Variants in MAD1L1 observed in about 807,000 individuals in gnomAD.
MAD1L1 encodes the protein mitotic spindle assembly checkpoint protein MAD1.
MAD1L1 carries 95 observed loss-of-function variants against 96.9 expected under a neutral mutation model. The observed-to-expected ratio is 0.98, with a 90% CI of 0.83 to 1.16. The LOEUF (loss-of-function observed/expected upper bound fraction) is 1.16. MAD1L1 is among the 50% of genes most tolerant of loss of function. MAD1L1 has a pLI of 0.00. For synonymous variants in MAD1L1, 473 were observed against 396.6 expected (o/e 1.19, Z -2.29); for missense variants, 1,007 against 954.4 (o/e 1.06, Z -0.73).
At chr7:2,105,146 T>C (rs1023815622) in intron 11 of MAD1L1, among the ~76,000 whole-genome samples, 2 of 151,996 alleles carry the variant, frequency 1.3e-5, no homozygotes, top group African/African-American at 4.8e-5. Flanking sequence ...AGAGCCTCAC[T>C]CTCTGAGGCC....
intron 18 of MAD1L1, among the ~76,000 whole-genome samples, chr7:1,884,928 G>A (rs941664064): frequency 6.6e-6 from 1 of 152,156 alleles, no homozygotes; most frequent in Non-Finnish European, 1.5e-5. Flanking sequence ...GTGGTGGTGC[G>A]CACCCCTCAC....
intron 18 of MAD1L1, among the ~76,000 whole-genome samples, chr7:1,864,879 G>A (rs911786905): frequency 1.6e-4 from 25 of 152,292 alleles, no homozygotes; most frequent in African/African-American, 5.8e-4. Context: ...GCGGCCTGAG[G>A]ACCTTGCCAG....
chr7:1,874,127 G>A (rs1327616975), intron 18 of MAD1L1, among the ~76,000 whole-genome samples: 1 of 152,200 alleles, frequency 6.6e-6, no homozygotes, highest in Non-Finnish European at 1.5e-5. Flanking sequence ...ATCTGCACCG[G>A]AGTGGGGATG....
At chr7:1,966,741 G>A (rs943767956) in intron 15 of MAD1L1, among the ~76,000 whole-genome samples, 7 of 152,194 alleles carry the variant, frequency 4.6e-5, no homozygotes, top group East Asian at 1.9e-4. Flanking sequence ...ACAGCGATTC[G>A]AGCGTCTGCA....
intron 11 of MAD1L1, among the ~76,000 whole-genome samples, chr7:2,074,974 G>A (rs1174731303): frequency 6.6e-5 from 10 of 152,206 alleles, no homozygotes; most frequent in East Asian, 1.9e-4. Context: ...TGGGCCAACC[G>A]GGAGCAATGG....
intron 3 of MAD1L1, among the ~76,000 whole-genome samples, chr7:2,228,793 T>G (rs1016005631): frequency 6.6e-6 from 1 of 151,026 alleles, no homozygotes; most frequent in East Asian, 2.0e-4. Context: ...CAGGCTGGAG[T>G]GCGGTGGCGC....
At chr7:1,916,051 C>T (rs1409628549) in intron 17 of MAD1L1, among the ~76,000 whole-genome samples, 5 of 152,210 alleles carry the variant, frequency 3.3e-5, no homozygotes, top group East Asian at 1.9e-4. Flanking sequence ...CAAGCCACGT[C>T]GGTGCCCATC....
rs1037067189 is a variant in MAD1L1, at chr7:2,103,690, G to A, written c.1074-34352C>T. Among the ~76,000 whole-genome samples the A allele has an allele frequency of 1.4e-4, 22 of 152,160 alleles. No homozygotes were observed. Among genetic ancestry groups the A allele is most frequent in the Non-Finnish European group, 8.8e-5 (6 of 68,026 alleles). ...AAGGAGGGAGCGGCCACGAGGAGGA[G>A]CCAGGGAGGCGGCTACTCAGAGGGC... On this transcript the variant is annotated intron_variant, in intron 11 of 18. Coordinates refer to ENST00000265854, the MANE Select transcript of MAD1L1 (RefSeq NM_001013836.2). This position sits in a 1 kb window ranked among gnomAD's most constrained non-coding sequence, Gnocchi z 4.3.
At position 2,215,951 on chromosome 7, in the gene MAD1L1, C is replaced by T; in HGVS notation, c.858G>A (p.Leu286=). 2 of 1,614,212 alleles carry T rather than the reference C, an allele frequency of 1.2e-6. No individual in the cohort carries two copies. Among genetic ancestry groups the T allele is most frequent in the South Asian group, 2.2e-5 (2 of 91,088 alleles). ...TCTCCTGGCGCCCCAGCTTCCTCTGCAGCCCTTCCAGCTCTTCCTGGAGCA... is the reference window on the plus strand; with the variant it reads ...TCTCCTGGCGCCCCAGCTTCCTCTGTAGCCCTTCCAGCTCTTCCTGGAGCA... ...NGLLQEELEG[L]QRKLGRQEKM... The change falls in exon 9 of 19, where the codon CTG becomes CTA. Residue 286 remains leucine, a synonymous_variant. Transcript: ENST00000265854.
chr7:1,865,864 G>A (rs1784754308), intron 18 of MAD1L1, among the ~76,000 whole-genome samples: 2 of 152,226 alleles, frequency 1.3e-5, no homozygotes, highest in Admixed American at 1.3e-4. Flanking sequence ...GGGCTTCGGG[G>A]CTCCACGAGC....
At chr7:2,009,403 C>G (rs1280569759) in intron 13 of MAD1L1, among the ~76,000 whole-genome samples, 1 of 152,158 alleles carries the variant, frequency 6.6e-6, no homozygotes, top group Non-Finnish European at 1.5e-5. Flanking sequence ...GAAGGCAGCC[C>G]CACCGGTGGT....
At chr7:2,224,373 C>A (rs927549453) in intron 4 of MAD1L1, among the ~76,000 whole-genome samples, 1 of 152,178 alleles carries the variant, frequency 6.6e-6, no homozygotes, top group Non-Finnish European at 1.5e-5. Context: ...CCCACCCAGG[C>A]CATGAGCAAA....
At chr7:1,836,225 T>G (rs769822201) in intron 18 of MAD1L1, among the ~76,000 whole-genome samples, 1 of 152,040 alleles carries the variant, frequency 6.6e-6, no homozygotes, top group Non-Finnish European at 1.5e-5. Flanking sequence ...TTTTACCATG[T>G]TGGTCAGGCT....
At chr7:2,141,373 G>C (rs943731478) in intron 11 of MAD1L1, among the ~76,000 whole-genome samples, 14 of 152,264 alleles carry the variant, frequency 9.2e-5, no homozygotes, top group Non-Finnish European at 2.9e-5. Context: ...TCTCAGGAGA[G>C]ATGGGGCTCG....
chr7:1,908,771 C>T (rs1787831376), intron 17 of MAD1L1, among the ~76,000 whole-genome samples: 1 of 152,188 alleles, frequency 6.6e-6, no homozygotes, highest in Non-Finnish European at 1.5e-5. Flanking sequence ...GGTTCTCACT[C>T]CCCGGAAGTA....
intron 10 of MAD1L1, among the ~76,000 whole-genome samples, chr7:2,198,432 G>A (rs1016808201): frequency 6.6e-6 from 1 of 152,204 alleles, no homozygotes; most frequent in East Asian, 1.9e-4. Context: ...ACCACTGCCT[G>A]AGCACCTGGC....
chr7:1,913,948 C>T (rs1217391298), intron 17 of MAD1L1, among the ~76,000 whole-genome samples: 1 of 152,154 alleles, frequency 6.6e-6, no homozygotes, highest in East Asian at 1.9e-4. Flanking sequence ...GGAGGGAACG[C>T]CCCATGTCCT....
At chr7:2,137,924 C>T (rs1048542914) in intron 11 of MAD1L1, among the ~76,000 whole-genome samples, 1 of 152,222 alleles carries the variant, frequency 6.6e-6, no homozygotes, top group African/African-American at 2.4e-5. Flanking sequence ...CGTTTCTGTG[C>T]CGACGGTGCC....
chr7:1,871,922 G>A lies in MAD1L1; in HGVS notation c.1998+26278C>T, dbSNP rs933825411. Among the ~76,000 whole-genome samples, 3 of 152,322 alleles carry A rather than the reference G, an allele frequency of 2.0e-5. No homozygotes were observed. The South Asian group carries it at 6.2e-4, about 32-fold the overall frequency. On this transcript the variant is annotated intron_variant, in intron 18 of 18. Coordinates refer to ENST00000265854, the MANE Select transcript of MAD1L1 (RefSeq NM_001013836.2). The stretch of plus-strand genomic sequence containing the variant: ...GGGGGTGGAGGAGATGAGAAGAGAG[G>A]GGGCAGAACTACGGTGGCTCAGAGC...
Sources: allele counts gnomAD v4.1 joint callset (sites outside exome capture counted in the v4.1 genomes callset), GRCh38; gene constraint gnomAD v4.1.1; non-coding constraint Gnocchi (gnomAD v3.1); transcripts MANE v1.5; gene names NCBI Gene and HGNC (gene_info 2026-07-23, HGNC 2026-07-21).